The following DNMT3A variants were observed in gnomAD, a reference collection of about 807,000 sequenced individuals.
The protein encoded by DNMT3A is DNA (cytosine-5)-methyltransferase 3A.
In DNMT3A, 267 loss-of-function variants were observed where a neutral mutation model predicts 117.6. That is an observed-to-expected ratio of 2.27 (90% confidence interval 2.05 to 2.51). The LOEUF (loss-of-function observed/expected upper bound fraction) is 2.51. DNMT3A is among the 30% of genes most tolerant of loss of function. The probability of loss-of-function intolerance (pLI) is 0.00; values close to 1 mark genes in which losing one functional copy is unlikely to be tolerated. For synonymous variants in DNMT3A, 432 were observed against 474.8 expected (o/e 0.91, Z 1.17); for missense variants, 1,029 against 1,260.2 (o/e 0.82, Z 2.78).
At chr2:25,338,912 GA>G (rs1293216787) in intron 1 of DNMT3A, among the ~76,000 whole-genome samples, 17 of 152,138 alleles carry the variant, frequency 1.1e-4, no homozygotes, top group Admixed American at 1.1e-3. Context: ...ACTTGAAAAG[GA>G]AACCTCAGAA....
At chr2:25,340,835 A>C (rs906073482) in intron 1 of DNMT3A, among the ~76,000 whole-genome samples, 36 of 38,096 alleles carry the variant, frequency 9.4e-4, no homozygotes, top group African/African-American at 1.4e-3. Context: ...CGCTACTTCC[A>C]CCCCCGCGTT....
intron 6 of DNMT3A, among the ~76,000 whole-genome samples, chr2:25,273,877 C>T (rs1177738699): frequency 6.6e-6 from 1 of 152,212 alleles, no homozygotes; most frequent in African/African-American, 2.4e-5. Context: ...ACTGCTTTCT[C>T]CCTCAGTCCC....
intron 6 of DNMT3A, among the ~76,000 whole-genome samples, chr2:25,251,274 C>T (rs1245217735): frequency 1.3e-5 from 2 of 151,858 alleles, no homozygotes. Flanking sequence ...GCACCCCTTT[C>T]CCTCTGCACT....
chr2:25,238,388 T>A (rs1286041828), intron 20 of DNMT3A, among the ~76,000 whole-genome samples: 1 of 152,140 alleles, frequency 6.6e-6, no homozygotes, highest in Non-Finnish European at 1.5e-5. Flanking sequence ...CTCCTAGTTA[T>A]ACCAAGTATA....
At chr2:25,235,918 AC>A (rs1240434991) in intron 21 of DNMT3A, 93 bp from the exon 22 acceptor site, 1 of 1,187,686 alleles carries the variant, frequency 8.4e-7, no homozygotes. Context: ...TACTCGCCAA[AC>A]CCTGACAGGG....
At chr2:25,331,908 C>A (rs1473879461) in intron 1 of DNMT3A, among the ~76,000 whole-genome samples, 1 of 152,070 alleles carries the variant, frequency 6.6e-6, no homozygotes, top group African/African-American at 2.4e-5. Flanking sequence ...TCCCCCCAAC[C>A]CATGCCCCCT....
At chr2:25,310,355 C>T (rs2384147) in intron 2 of DNMT3A, among the ~76,000 whole-genome samples, 1 of 151,656 alleles carries the variant, frequency 6.6e-6, no homozygotes, top group Non-Finnish European at 1.5e-5. Flanking sequence ...GAGGCCAGCC[C>T]CCTCCCTCTG....
chr2:25,291,891 A>G (rs181020691), intron 3 of DNMT3A, among the ~76,000 whole-genome samples: 1 of 152,362 alleles, frequency 6.6e-6, no homozygotes, highest in African/African-American at 2.4e-5. Context: ...CCACCTGGAA[A>G]AGGGCCTGGT....
intron 1 of DNMT3A, among the ~76,000 whole-genome samples, chr2:25,324,110 C>T (rs558642460): frequency 3.9e-4 from 59 of 152,308 alleles, no homozygotes; most frequent in African/African-American, 1.4e-3. Context: ...GCAGTGGGAG[C>T]GGGGAAGGAG....
intron 20 of DNMT3A, 69 bp downstream of exon 20, chr2:25,239,061 T>G: frequency 7.0e-7 from 1 of 1,427,960 alleles, no homozygotes; most frequent in Non-Finnish European, 9.7e-7. Context: ...CTCAGGGGCT[T>G]CCCCACTATG....
intron 2 of DNMT3A, among the ~76,000 whole-genome samples, chr2:25,310,062 A>C (rs972871663): frequency 1.3e-5 from 2 of 152,132 alleles, no homozygotes; most frequent in Non-Finnish European, 2.9e-5. Flanking sequence ...TCTCAAACAA[A>C]AAAAGAATGG....
rs558129824 is a variant in DNMT3A, at chr2:25,304,717, T to A, written c.73-4474A>T. ...TCCCCAGGATTTGGCTGGATCGCCT[T>A]GGTCTCTTCTCCACACTGTGGTCCC... On this transcript the variant is annotated intron_variant, in intron 2 of 22. Transcript: ENST00000321117. The surrounding 1 kb of genome is among the most constrained non-coding windows in gnomAD (Gnocchi z 4.3). Among the ~76,000 whole-genome samples the A allele has an allele frequency of 6.6e-6, 1 of 152,224 alleles. No individual in the cohort carries two copies. Among genetic ancestry groups the A allele is most frequent in the Non-Finnish European group, 1.5e-5 (1 of 68,032 alleles).
intron 4 of DNMT3A, among the ~76,000 whole-genome samples, chr2:25,279,599 G>T (rs1398446561): frequency 6.6e-6 from 1 of 152,074 alleles, no homozygotes; most frequent in Non-Finnish European, 1.5e-5. Context: ...GGCCTTCAGG[G>T]ATCCTACCAG....
intron 1 of DNMT3A, among the ~76,000 whole-genome samples, chr2:25,318,698 CTTTTTTT>C (rs375722790): frequency 2.3e-5 from 3 of 132,266 alleles, no homozygotes; most frequent in Non-Finnish European, 4.9e-5. Flanking sequence ...TTTTTCTTTT[CTTTTTTT>C]TTTTTTTTTT....
chr2:25,283,236 C>T (rs1020593488), intron 3 of DNMT3A, among the ~76,000 whole-genome samples: 1 of 152,042 alleles, frequency 6.6e-6, no homozygotes, highest in African/African-American at 2.4e-5. Context: ...GTGGTGCATG[C>T]CCGTAATCCC....
Position 25,233,069 on chromosome 2 carries a change from C to T in DNMT3A, c.*1210G>A. The T allele has an allele frequency of 4.3e-6, 1 of 233,672 alleles. No homozygotes were observed. Among genetic ancestry groups the T allele is most frequent in the Non-Finnish European group, 8.5e-6 (1 of 118,042 alleles). The allele number at this position is 233,672 out of a possible 1,614,324, so 14.5% of individuals were successfully genotyped here. On this transcript the variant is annotated 3_prime_UTR_variant, in exon 23 of 23. Coordinates refer to ENST00000321117, the MANE Select transcript of DNMT3A (RefSeq NM_022552.5). Reference sequence around the variant, plus strand: ...AGTTCTGATCCCACCACAAGGAGCCCTCGAATTGGCTAAAGTGAGAAACTG... The same window carrying T: ...AGTTCTGATCCCACCACAAGGAGCCTTCGAATTGGCTAAAGTGAGAAACTG...
Position 25,243,930 on chromosome 2 carries a change from C to A in DNMT3A, c.1904G>T (p.Arg635Leu), listed in dbSNP as rs751562376. 1 of 1,552,216 alleles carries A rather than the reference C, an allele frequency of 6.4e-7. No individual in the cohort carries two copies. Among genetic ancestry groups the A allele is most frequent in the Non-Finnish European group, 8.7e-7 (1 of 1,147,142 alleles). The change falls in exon 16 of 23, where the codon CGG (arginine) becomes CTG (leucine). Residue 635 changes from arginine (R) to leucine (L), a missense_variant. Coordinates refer to ENST00000321117, the MANE Select transcript of DNMT3A (RefSeq NM_022552.5). ...PVPAEKRKPI[R>L]VLSLFDGIAT... ...GATTCCATCAAAGAGAGACAGCACC[C>A]GGATGGGCTTCCTCTTCTCAGCTGG...
rs778834444 is a variant in DNMT3A, at chr2:25,282,538, C to G, written c.351G>C (p.Glu117Asp). The G allele has an allele frequency of 6.2e-7, 1 of 1,613,446 alleles. No individual in the cohort carries two copies. Among genetic ancestry groups the G allele is most frequent in the South Asian group, 1.1e-5 (1 of 91,054 alleles). ...AGGQKGGAPA[E>D]GEGAAETLPE... Reference sequence around the variant, plus strand: ...GCAGGGTCTCAGCTGCACCCTCTCCCTCTGCTGGGGCCCCGCCCTTCTGCC... The same window carrying G: ...GCAGGGTCTCAGCTGCACCCTCTCCGTCTGCTGGGGCCCCGCCCTTCTGCC... Residue 117 changes from glutamate to aspartate, a missense_variant, in exon 4 of 23, where the codon GAG becomes GAC. Physicochemically the swap from Glu to Asp is conservative, Grantham distance 45. Coordinates refer to ENST00000321117, the MANE Select transcript of DNMT3A (RefSeq NM_022552.5). The surrounding 1 kb of genome is among the most constrained non-coding windows in gnomAD (Gnocchi z 5.2).
At position 25,244,538 on chromosome 2, in the gene DNMT3A, A is replaced by C; in HGVS notation, c.1667+2T>G. ...GACCACTGGAGGCCACAACAGCCTC[A>C]CCTGCAGCAGTTGTTGTTTCCGCAC... On this transcript the variant is annotated splice_donor_variant, in intron 14 of 22. Coordinates refer to ENST00000321117, the MANE Select transcript of DNMT3A (RefSeq NM_022552.5). LOFTEE classifies it high-confidence loss of function. 1 of 1,614,066 alleles carries C rather than the reference A, an allele frequency of 6.2e-7. No individual in the cohort carries two copies. Among genetic ancestry groups the C allele is most frequent in the Non-Finnish European group, 8.5e-7 (1 of 1,179,932 alleles).
Sources: gnomAD v4.1 joint callset for allele counts (sites outside exome capture counted in the v4.1 genomes callset) on GRCh38, gnomAD v4.1.1 for gene constraint, Gnocchi (gnomAD v3.1) non-coding constraint, MANE v1.5 for transcripts, NCBI Gene and HGNC (gene_info 2026-07-23, HGNC 2026-07-21) for gene names.